ASIC2: variants seen among roughly 807,000 people sequenced by gnomAD.
ASIC2 encodes acid-sensing ion channel 2.
Under a neutral mutation model 57.3 loss-of-function variants are expected in ASIC2, and 25 were observed. The observed-to-expected ratio is 0.44, with a 90% confidence interval of 0.32 to 0.61. ASIC2 has a LOEUF of 0.61. ASIC2 is among the 20% of genes least tolerant of loss of function. The pLI is 0.06. For synonymous variants in ASIC2, 319 were observed against 307.5 expected (o/e 1.04, Z -0.39); for missense variants, 641 against 738.1 (o/e 0.87, Z 1.52).
chr17:33,647,203 C>T (rs1906768046), intron 1 of ASIC2, among the ~76,000 whole-genome samples: 2 of 152,182 alleles, frequency 1.3e-5, no homozygotes, highest in African/African-American at 2.4e-5. Context: ...ATCAATCTGT[C>T]AAATTGGAGA....
chr17:33,946,285 T>G (rs1049156073), intron 1 of ASIC2, among the ~76,000 whole-genome samples: 1 of 151,758 alleles, frequency 6.6e-6, no homozygotes, highest in Non-Finnish European at 1.5e-5. Context: ...CATCTTACCA[T>G]GGGTGAAAGA....
intron 1 of ASIC2, among the ~76,000 whole-genome samples, chr17:33,968,329 G>C (rs1439403720): frequency 2.0e-5 from 3 of 152,186 alleles, no homozygotes; most frequent in Non-Finnish European, 4.4e-5. Context: ...TGAACAGGGG[G>C]CAGAATCTCT....
intron 1 of ASIC2, among the ~76,000 whole-genome samples, chr17:33,800,734 G>A (rs1912108935): frequency 6.6e-6 from 1 of 152,170 alleles, no homozygotes; most frequent in Non-Finnish European, 1.5e-5. Context: ...TTTGGACACA[G>A]TATTATAGTG....
chr17:33,600,908 C>A (rs927442933), intron 1 of ASIC2, among the ~76,000 whole-genome samples: 22 of 152,124 alleles, frequency 1.4e-4, no homozygotes, highest in Non-Finnish European at 2.8e-4. Context: ...AAGGCCATCC[C>A]TTTTATATAG....
At chr17:33,704,773 T>G (rs1354735997) in intron 1 of ASIC2, among the ~76,000 whole-genome samples, 1 of 152,156 alleles carries the variant, frequency 6.6e-6, no homozygotes, top group African/African-American at 2.4e-5. Flanking sequence ...TGTGTTGGGA[T>G]TGGATGTAAT....
intron 3 of ASIC2, among the ~76,000 whole-genome samples, chr17:33,028,928 A>T (rs1244832246): frequency 2.0e-5 from 3 of 152,190 alleles, no homozygotes; most frequent in African/African-American, 7.2e-5. Flanking sequence ...CTGGGCCTGG[A>T]CTAGAGAGAC....
At chr17:33,533,056 T>A (rs1163449624) in intron 1 of ASIC2, among the ~76,000 whole-genome samples, 1 of 152,200 alleles carries the variant, frequency 6.6e-6, no homozygotes, top group African/African-American at 2.4e-5. Flanking sequence ...GATTCTAAGC[T>A]GTATTTCAGG....
At chr17:33,992,996 C>G (rs1597965741) in intron 1 of ASIC2, among the ~76,000 whole-genome samples, 1 of 152,228 alleles carries the variant, frequency 6.6e-6, no homozygotes, top group East Asian at 1.9e-4. Flanking sequence ...TACCTGGTGC[C>G]CAGTCCACAG....
chr17:34,083,473 C>T (rs1395357895), intron 1 of ASIC2, among the ~76,000 whole-genome samples: 1 of 151,648 alleles, frequency 6.6e-6, no homozygotes, highest in Non-Finnish European at 1.5e-5. Context: ...AATAGTGCCA[C>T]AATAAACATA....
chr17:33,084,075 C>T (rs140160922), intron 3 of ASIC2, among the ~76,000 whole-genome samples: 158 of 148,218 alleles, frequency 1.1e-3, no homozygotes, highest in Non-Finnish European at 1.9e-3. Context: ...GCATCCCATG[C>T]CAGCTGGCAG....
chr17:33,439,579 C>T (rs1472497805), intron 1 of ASIC2, among the ~76,000 whole-genome samples: 1 of 152,146 alleles, frequency 6.6e-6, no homozygotes, highest in Non-Finnish European at 1.5e-5. Context: ...GTACTCCATA[C>T]TCATTGGTGC....
intron 1 of ASIC2, chr17:34,006,619 T>G (rs1906534137): frequency 6.7e-6 from 1 of 148,686 alleles, no homozygotes; most frequent in South Asian, 2.1e-4. Context: ...AAATATTTAT[T>G]TTTTAGTTTT....
At chr17:34,102,710 A>G (rs1910909563) in intron 1 of ASIC2, among the ~76,000 whole-genome samples, 1 of 152,224 alleles carries the variant, frequency 6.6e-6, no homozygotes, top group Non-Finnish European at 1.5e-5. Flanking sequence ...ACAATTTTGT[A>G]TTCATTTTCC....
At chr17:33,599,375 G>C (rs770574856) in intron 1 of ASIC2, among the ~76,000 whole-genome samples, 21 of 152,190 alleles carry the variant, frequency 1.4e-4, no homozygotes, top group Non-Finnish European at 2.8e-4. Flanking sequence ...GGATGAGGAG[G>C]TTGTGGTGGA....
chr17:33,573,145 G>A (rs1204769422), intron 1 of ASIC2, among the ~76,000 whole-genome samples: 2 of 152,130 alleles, frequency 1.3e-5, no homozygotes, highest in Non-Finnish European at 2.9e-5. Flanking sequence ...ACGTTTACCT[G>A]GATAAGCATG....
At chr17:33,177,384 T>C (rs1157598323) in intron 1 of ASIC2, among the ~76,000 whole-genome samples, 6 of 152,168 alleles carry the variant, frequency 3.9e-5, no homozygotes, top group Non-Finnish European at 5.9e-5. Flanking sequence ...AGAAGTATGA[T>C]GCTGAGAATC....
chr17:34,081,966 C>G (rs1821313793), intron 1 of ASIC2: 1 of 152,198 alleles, frequency 6.6e-6, no homozygotes, highest in African/African-American at 2.4e-5. Context: ...CAGTGGCTTT[C>G]TGGTCTCATT....
chr17:33,346,194 T>C (rs1478142118), intron 1 of ASIC2, among the ~76,000 whole-genome samples: 1 of 116,714 alleles, frequency 8.6e-6, no homozygotes, highest in Non-Finnish European at 1.6e-5. Flanking sequence ...GCCACTGCAC[T>C]CCAGCCTGGG....
chr17:33,993,449 T>C (rs1906061373), intron 1 of ASIC2, among the ~76,000 whole-genome samples: 1 of 152,230 alleles, frequency 6.6e-6, no homozygotes, highest in Non-Finnish European at 1.5e-5. Flanking sequence ...CACAGCCACA[T>C]GGCTGTTATT....
Sources: allele counts gnomAD v4.1 joint callset (sites outside exome capture counted in the v4.1 genomes callset), GRCh38; gene constraint gnomAD v4.1.1; transcripts MANE v1.5; gene names NCBI Gene and HGNC (gene_info 2026-07-23, HGNC 2026-07-21).